Variants in TUSC3 observed in about 807,000 individuals in gnomAD.
The protein encoded by TUSC3 is dolichyl-diphosphooligosaccharide--protein glycosyltransferase subunit TUSC3.
In TUSC3, 45 loss-of-function variants were observed where a neutral mutation model predicts 44.8. The observed-to-expected ratio is 1.00, with a 90% CI of 0.79 to 1.29. The LOEUF (loss-of-function observed/expected upper bound fraction) is 1.29. Ranked by LOEUF, TUSC3 falls within the 50% of genes most tolerant of loss-of-function variation. TUSC3 has a pLI of 0.00. For missense variants in TUSC3, 519 were observed against 437.9 expected (o/e 1.19, Z -1.65); for synonymous variants, 212 against 152.9 (o/e 1.39, Z -2.85).
chr8:15,721,788 T>G (rs533525213), intron 6 of TUSC3, among the ~76,000 whole-genome samples: 4 of 152,054 alleles, frequency 2.6e-5, no homozygotes, highest in African/African-American at 9.7e-5. Flanking sequence ...GGACAGACTT[T>G]TTAAAGTTTA....
chr8:15,761,190 C>T (rs974334536), intron 10 of TUSC3, among the ~76,000 whole-genome samples: 1 of 152,148 alleles, frequency 6.6e-6, no homozygotes, highest in Non-Finnish European at 1.5e-5. Context: ...AATAAACTTG[C>T]TAATAAACCT....
At chr8:15,530,782 ATTGTT>A in intron 2 of TUSC3, among the ~76,000 whole-genome samples, 1 of 152,294 alleles carries the variant, frequency 6.6e-6, no homozygotes, top group Admixed American at 6.5e-5. Context: ...TTTTATATGT[ATTGTT>A]TTATTTCATC....
At chr8:15,750,691 A>G (rs745567714) in intron 9 of TUSC3, among the ~76,000 whole-genome samples, 2 of 152,132 alleles carry the variant, frequency 1.3e-5, no homozygotes, top group Non-Finnish European at 2.9e-5. Context: ...TAGTAAGCAC[A>G]TCTGAACCAG....
At chr8:15,520,997 C>T (rs1801289889) in intron 2 of TUSC3, among the ~76,000 whole-genome samples, 1 of 152,096 alleles carries the variant, frequency 6.6e-6, no homozygotes, top group South Asian at 2.1e-4. Context: ...GGGACTGTAC[C>T]ACTCCCTCCC....
At chr8:15,515,307 A>C (rs777777005) in intron 2 of TUSC3, among the ~76,000 whole-genome samples, 55 of 152,324 alleles carry the variant, frequency 3.6e-4, no homozygotes, top group Admixed American at 4.6e-4. Flanking sequence ...GTGACACAAC[A>C]ATACTACCAA....
chr8:15,557,610 A>G (rs1183391949), intron 1 of TUSC3, among the ~76,000 whole-genome samples: 56 of 103,428 alleles, frequency 5.4e-4, no homozygotes, highest in African/African-American at 1.3e-3. Context: ...GGCCATTTTC[A>G]TGATATTGAT....
chr8:15,624,076 G>C (rs186522616), intron 2 of TUSC3, among the ~76,000 whole-genome samples: 3 of 152,032 alleles, frequency 2.0e-5, no homozygotes, highest in African/African-American at 7.2e-5. Flanking sequence ...TATGGTACGT[G>C]ACCTTTTGGG....
intron 2 of TUSC3, among the ~76,000 whole-genome samples, chr8:15,492,843 C>A (rs948001530): frequency 6.6e-6 from 1 of 151,266 alleles, no homozygotes; most frequent in African/African-American, 2.4e-5. Context: ...TTTATCTTTG[C>A]ATATATAGAA....
chr8:15,457,544 C>T (rs1323048410), intron 1 of TUSC3, among the ~76,000 whole-genome samples: 4 of 150,864 alleles, frequency 2.7e-5, no homozygotes, highest in South Asian at 2.1e-4. Flanking sequence ...CCAGTAATTA[C>T]GCAATCATGA....
chr8:15,840,121 G>A, the TUSC3 span, among the ~76,000 whole-genome samples: 34 of 152,120 alleles, frequency 2.2e-4, no homozygotes, highest in Non-Finnish European at 3.4e-4. Flanking sequence ...GCAAACTATC[G>A]CAAGACCAAA....
rs762713272 is a variant in TUSC3, at chr8:15,662,277, G to C, written c.689G>C (p.Gly230Ala). The change falls in exon 5 of 11, where the codon GGT becomes GCT. Residue 230 changes from glycine to alanine, a missense_variant. Coordinates refer to ENST00000503731, the MANE Select transcript of TUSC3 (RefSeq NM_006765.4). Reference sequence around the variant, plus strand: ...TTGGAGTTCATCTATAACAAGACTGGTTGGGCCATGGTGTCTCTGGTATGT... The same window carrying C: ...TTGGAGTTCATCTATAACAAGACTGCTTGGGCCATGGTGTCTCTGGTATGT... ...NNLEFIYNKT[G>A]WAMVSLCIVF... is the part of the protein sequence containing the mutation. 7 of 1,612,764 alleles carry C rather than the reference G, an allele frequency of 4.3e-6. No individual in the cohort carries two copies. In the African/African-American group the frequency reaches 9.4e-5, roughly 22 times the overall value.
intron 2 of TUSC3, among the ~76,000 whole-genome samples, chr8:15,533,957 C>T (rs977167136): frequency 1.3e-5 from 2 of 152,072 alleles, no homozygotes; most frequent in Non-Finnish European, 2.9e-5. Flanking sequence ...ATGGTGATGG[C>T]TGACATTAGC....
intron 1 of TUSC3, among the ~76,000 whole-genome samples, chr8:15,569,328 A>T (rs931828085): frequency 2.6e-5 from 4 of 152,136 alleles, no homozygotes; most frequent in Non-Finnish European, 5.9e-5. Context: ...TGGGCAGTTT[A>T]TTTTCATGGA....
intron 2 of TUSC3, among the ~76,000 whole-genome samples, chr8:15,500,717 G>C (rs950466870): frequency 3.3e-5 from 5 of 152,130 alleles, no homozygotes; most frequent in African/African-American, 1.2e-4. Context: ...AATCTACAAA[G>C]AGAAAGAGAA....
chr8:15,622,775 C>G (rs1389189218), intron 1 of TUSC3, among the ~76,000 whole-genome samples: 1 of 151,492 alleles, frequency 6.6e-6, no homozygotes. Flanking sequence ...TTTCTTTGTC[C>G]TTTGGATAGC....
At chr8:15,500,899 C>G (rs944402489) in intron 2 of TUSC3, among the ~76,000 whole-genome samples, 14 of 152,146 alleles carry the variant, frequency 9.2e-5, no homozygotes, top group Admixed American at 2.0e-4. Flanking sequence ...TAACCTTTTT[C>G]AAGAGCAACC....
chr8:15,747,394 T>G lies in TUSC3; in HGVS notation c.938-981T>G, dbSNP rs142468542. 3.1e-3 allele frequency among the ~76,000 whole-genome samples: 468 copies of G among 152,020 alleles called. 2 individuals are homozygous for G. Among genetic ancestry groups the G allele is most frequent in the African/African-American group, 0.01 (417 of 41,550 alleles). The stretch of plus-strand genomic sequence containing the variant: ...CAAATTATGTGTTCTTAAAAGATGT[T>G]TAGATATTTCTTAAGAGATTAACAC... On this transcript the variant is annotated intron_variant, in intron 8 of 10. Coordinates refer to ENST00000503731, the MANE Select transcript of TUSC3 (RefSeq NM_006765.4).
At chr8:15,525,858 T>TG (rs1037858767) in intron 2 of TUSC3, among the ~76,000 whole-genome samples, 2 of 151,920 alleles carry the variant, frequency 1.3e-5, no homozygotes, top group Admixed American at 6.6e-5. Flanking sequence ...TAGGCCGTAA[T>TG]GGGGGAAAAA....
At chr8:15,440,076 G>A (rs113287923) in intron 1 of TUSC3, among the ~76,000 whole-genome samples, 9 of 152,220 alleles carry the variant, frequency 5.9e-5, no homozygotes, top group East Asian at 5.8e-4. Context: ...TCCCACTTAC[G>A]CATGTGTAAC....
Sources: allele counts gnomAD v4.1 joint callset (sites outside exome capture counted in the v4.1 genomes callset), GRCh38; gene constraint gnomAD v4.1.1; transcripts MANE v1.5; gene names NCBI Gene and HGNC (gene_info 2026-07-23, HGNC 2026-07-21).